ABHD18: variants seen among roughly 807,000 people sequenced by gnomAD.
ABHD18 encodes abhydrolase domain containing 18.
In ABHD18, 55 loss-of-function variants were observed where a neutral mutation model predicts 65.9. That is an observed-to-expected ratio of 0.84 (90% CI 0.67 to 1.05). ABHD18 has a LOEUF of 1.05. Ranked by LOEUF, ABHD18 falls within the 50% of genes least tolerant of loss-of-function variation. The pLI is 0.00. For missense variants in ABHD18, 533 were observed against 558.5 expected (o/e 0.95, Z 0.46); for synonymous variants, 181 against 180.2 (o/e 1.00, Z -0.04).
chr4:127,999,586 A>ACC (rs1752327322), intron 4 of ABHD18, among the ~76,000 whole-genome samples: 1 of 152,114 alleles, frequency 6.6e-6, no homozygotes, highest in Admixed American at 6.6e-5. Context: ...TGGGATTATT[A>ACC]TTCTTTTGAA....
rs1560962643 is a variant in ABHD18, at chr4:128,039,181, AT to A, written c.*3369del. ...TATATATATATATATATATATATAT[AT>A]ATAATCTCAAAGAAGTGCGGTCTGC... On this transcript the variant is annotated 3_prime_UTR_variant, in exon 13 of 13. Coordinates refer to ENST00000645843, the MANE Select transcript of ABHD18 (RefSeq NM_001358451.3). The A allele has an allele frequency of 6.7e-5, 9 of 135,084 alleles. No individual in the cohort carries two copies. Among genetic ancestry groups the A allele is most frequent in the South Asian group, 2.3e-4 (1 of 4,362 alleles). The allele number at this position is 135,084 out of a possible 1,614,324, so 8.4% of individuals were successfully genotyped here. A position where few individuals can be genotyped will look rare whatever the true frequency, so the allele number is the denominator to read the frequency against.
At chr4:128,028,412 TG>T in intron 10 of ABHD18, 62 bp from the exon 11 acceptor site, 5 of 1,240,060 alleles carry the variant, frequency 4.0e-6, no homozygotes, top group Non-Finnish European at 4.3e-6. Flanking sequence ...CTTTTTTTTT[TG>T]ACAAAGCTGT....
chr4:127,994,452 T>A lies in ABHD18; in HGVS notation c.278+4631T>A, dbSNP rs144579977. On this transcript the variant is annotated intron_variant, in intron 4 of 12. Transcript: ENST00000645843. Reference sequence around the variant, plus strand: ...CTCTACAAAAATTAGCAGGGCATGATGGCGGGTGCCTGTAATCCAAACTAC... The same window carrying A: ...CTCTACAAAAATTAGCAGGGCATGAAGGCGGGTGCCTGTAATCCAAACTAC... Among the ~76,000 whole-genome samples the A allele has an allele frequency of 1.4e-3, 210 of 152,194 alleles. 4 individuals are homozygous for A. The East Asian group carries it at 0.033, about 24-fold the overall frequency.
chr4:128,011,340 G>C (rs991597751), intron 6 of ABHD18, among the ~76,000 whole-genome samples: 1 of 151,788 alleles, frequency 6.6e-6, no homozygotes, highest in Non-Finnish European at 1.5e-5. Flanking sequence ...AGTAGTGATG[G>C]GGTTTCACCA....
rs1759035192 is a variant in ABHD18, at chr4:128,038,011, T to C, written c.*2198T>C. On this transcript the variant is annotated 3_prime_UTR_variant, in exon 13 of 13. Transcript: ENST00000645843. ...GTGTTGTCTGTGAATTATTTTTAAA[T>C]AGGGATTCTTAGTCTACTAACGATA... The C allele has an allele frequency of 6.6e-6, 1 of 152,200 alleles. No homozygotes were observed. Among genetic ancestry groups the C allele is most frequent in the Non-Finnish European group, 1.5e-5 (1 of 68,042 alleles). The allele number at this position is 152,200 out of a possible 1,614,324, so 9.4% of individuals were successfully genotyped here. A position where few individuals can be genotyped will look rare whatever the true frequency, so the allele number is the denominator to read the frequency against.
intron 4 of ABHD18, among the ~76,000 whole-genome samples, chr4:128,007,873 T>TAA (rs1192574874): frequency 6.6e-6 from 1 of 152,184 alleles, no homozygotes. Flanking sequence ...CTAAAAGTTT[T>TAA]AAAAAAAGAC....
At chr4:128,031,841 C>T (rs1232648990) in intron 12 of ABHD18, among the ~76,000 whole-genome samples, 1 of 152,178 alleles carries the variant, frequency 6.6e-6, no homozygotes, top group Non-Finnish European at 1.5e-5. Context: ...ATTCATGCAG[C>T]ATTTGAGTCC....
At chr4:128,022,273 C>T (rs979924662) in intron 10 of ABHD18, among the ~76,000 whole-genome samples, 2 of 152,194 alleles carry the variant, frequency 1.3e-5, no homozygotes, top group Non-Finnish European at 2.9e-5. Flanking sequence ...AAAAAGATAA[C>T]TTGCCTTCCA....
chr4:128,019,788 A>T (rs1756162920), intron 8 of ABHD18, among the ~76,000 whole-genome samples: 1 of 152,234 alleles, frequency 6.6e-6, no homozygotes, highest in African/African-American at 2.4e-5. Flanking sequence ...GCTGCCCAGC[A>T]TCTACATCTC....
chr4:127,971,830 A>G (rs931253467), intron 1 of ABHD18, among the ~76,000 whole-genome samples: 2 of 152,084 alleles, frequency 1.3e-5, no homozygotes, highest in African/African-American at 2.4e-5. Context: ...ACTAATCAGA[A>G]TTTTGGTAAA....
intron 2 of ABHD18, among the ~76,000 whole-genome samples, chr4:127,983,598 G>A (rs1579186088): frequency 1.3e-5 from 2 of 152,290 alleles, no homozygotes. Context: ...GGGCGCGGTG[G>A]CTCACGTCTG....
intron 4 of ABHD18, among the ~76,000 whole-genome samples, chr4:127,998,281 C>CTTTTT (rs993883974): frequency 5.3e-4 from 63 of 119,852 alleles, no homozygotes; most frequent in African/African-American, 6.3e-4. Flanking sequence ...CAAGACGTTT[C>CTTTTT]TTTTTTTTTT....
chr4:128,014,597 C>G (rs897342029), intron 7 of ABHD18, among the ~76,000 whole-genome samples: 1 of 152,002 alleles, frequency 6.6e-6, no homozygotes. Context: ...AATAATGGCC[C>G]TATGTATTTG....
intron 10 of ABHD18, among the ~76,000 whole-genome samples, chr4:128,024,233 AG>A (rs1252098667): frequency 1.3e-5 from 2 of 152,036 alleles, no homozygotes; most frequent in Non-Finnish European, 2.9e-5. Flanking sequence ...AAAGAGATAG[AG>A]GGAGGGAAGA....
intron 4 of ABHD18, among the ~76,000 whole-genome samples, chr4:127,990,096 T>C (rs1579223374): frequency 6.6e-6 from 1 of 152,160 alleles, no homozygotes; most frequent in Non-Finnish European, 1.5e-5. Flanking sequence ...ATTAGTAACA[T>C]GGAAATATGG....
At position 127,990,074 on chromosome 4, in the gene ABHD18, A is replaced by G. The variant is rs371031080; in HGVS notation, c.278+253A>G. ...CAACAATAGGCGATTAATTATCCAT[A>G]CTGTGGATACCATTAGTAACATGGA... On this transcript the variant is annotated intron_variant, in intron 4 of 12. Transcript: ENST00000645843. Among the ~76,000 whole-genome samples, 10 of 152,344 alleles carry G rather than the reference A, an allele frequency of 6.6e-5. No individual in the cohort carries two copies. The East Asian group carries it at 9.6e-4, about 15-fold the overall frequency.
intron 12 of ABHD18, among the ~76,000 whole-genome samples, chr4:128,034,749 C>T (rs1336065198): frequency 6.6e-6 from 1 of 151,880 alleles, no homozygotes; most frequent in African/African-American, 2.4e-5. Flanking sequence ...CTCCCAGGTT[C>T]AAGCAATTCT....
chr4:128,033,084 T>C (rs983767242), intron 12 of ABHD18, among the ~76,000 whole-genome samples: 7 of 152,016 alleles, frequency 4.6e-5, no homozygotes, highest in Non-Finnish European at 8.8e-5. Flanking sequence ...AAACCCTGTC[T>C]CTACTAAAAA....
At chr4:127,989,689 T>C (rs756558101) in intron 3 of ABHD18, 32 bp from the exon 4 acceptor site, 10 of 1,408,542 alleles carry the variant, frequency 7.1e-6, no homozygotes, top group Middle Eastern at 1.8e-4. Flanking sequence ...CTTAGTTTTC[T>C]TGCATACATC....
Sources: allele counts gnomAD v4.1 joint callset (sites outside exome capture counted in the v4.1 genomes callset), GRCh38; gene constraint gnomAD v4.1.1; transcripts MANE v1.5; gene names NCBI Gene and HGNC (gene_info 2026-07-23, HGNC 2026-07-21).